Variants in UST observed in about 807,000 individuals in gnomAD.
UST encodes the protein chondroitin sulfate 2-O-sulfotransferase.
A neutral mutation model predicts 45.6 loss-of-function variants in UST; 21 were observed. That is an observed-to-expected ratio of 0.46 (90% CI 0.33 to 0.66). The LOEUF is 0.66. Ranked by LOEUF, UST falls within the 30% of genes least tolerant of loss-of-function variation. The pLI is 0.02. For missense variants in UST, 463 were observed against 512.4 expected, an observed-to-expected ratio of 0.90 and a Z score of 0.93; for synonymous variants, 215 against 200.6, an observed-to-expected ratio of 1.07 and a Z score of -0.61.
chr6:149,076,118 AG>A lies in UST; in HGVS notation c.*2005del, dbSNP rs1318612273. 1 of 152,452 alleles carries A rather than the reference AG, an allele frequency of 6.6e-6. No individual in the cohort carries two copies. Among genetic ancestry groups the A allele is most frequent in the Non-Finnish European group, 1.5e-5 (1 of 68,086 alleles). 9.4% of individuals were successfully genotyped at this position (152,452 alleles called of 1,614,324 possible). ...GAGGACGGGGGCAGAGAAGTGATGA[AG>A]GGAAATGTTCTTAGAGGAGGAAATA... On this transcript the variant is annotated 3_prime_UTR_variant, in exon 8 of 8. Coordinates refer to ENST00000367463, the MANE Select transcript of UST (RefSeq NM_005715.3).
At chr6:148,968,453 C>A (rs1455692319) in intron 5 of UST, among the ~76,000 whole-genome samples, 1 of 152,214 alleles carries the variant, frequency 6.6e-6, no homozygotes, top group Non-Finnish European at 1.5e-5. Flanking sequence ...TTGTCCAGAG[C>A]TGGAAGCTCC....
At chr6:148,837,706 CT>C (rs577045780) in intron 1 of UST, among the ~76,000 whole-genome samples, 1 of 147,130 alleles carries the variant, frequency 6.8e-6, no homozygotes, top group Non-Finnish European at 1.5e-5. Context: ...TTTTTCTCTC[CT>C]TTTTTTGAGA....
intron 5 of UST, among the ~76,000 whole-genome samples, chr6:148,991,037 G>A (rs1337105591): frequency 6.6e-6 from 1 of 152,200 alleles, no homozygotes; most frequent in Admixed American, 6.5e-5. Flanking sequence ...GAGGCAGGTA[G>A]TAAACAGACA....
intron 2 of UST, among the ~76,000 whole-genome samples, chr6:148,900,049 C>A (rs1490916682): frequency 6.6e-6 from 1 of 152,148 alleles, no homozygotes; most frequent in South Asian, 2.1e-4. Context: ...CTTATCTTTT[C>A]ATTTCCTTTA....
At chr6:148,914,341 C>A (rs1356006473) in intron 2 of UST, among the ~76,000 whole-genome samples, 1 of 150,696 alleles carries the variant, frequency 6.6e-6, no homozygotes, top group Non-Finnish European at 1.5e-5. Flanking sequence ...GCAGTGGTCC[C>A]CAACCTTTTT....
chr6:149,042,125 T>G (rs1416007670), intron 7 of UST, among the ~76,000 whole-genome samples: 1 of 152,250 alleles, frequency 6.6e-6, no homozygotes. Context: ...TCCAGTGACT[T>G]AGGCACTTTT....
At chr6:148,827,412 G>A (rs1446323428) in intron 1 of UST, among the ~76,000 whole-genome samples, 1 of 152,088 alleles carries the variant, frequency 6.6e-6, no homozygotes. Flanking sequence ...TTGAGGTCAG[G>A]ACTTTGAGAC....
At chr6:148,835,783 C>T (rs563340704) in intron 1 of UST, among the ~76,000 whole-genome samples, 4 of 152,112 alleles carry the variant, frequency 2.6e-5, no homozygotes, top group South Asian at 4.1e-4. Context: ...TGTACAAATA[C>T]GGAAGTGTGT....
intron 5 of UST, among the ~76,000 whole-genome samples, chr6:148,994,917 T>C (rs1236606833): frequency 6.6e-6 from 1 of 152,200 alleles, no homozygotes; most frequent in Non-Finnish European, 1.5e-5. Context: ...AAAGTGCCTG[T>C]TCACCCCTTA....
intron 1 of UST, among the ~76,000 whole-genome samples, chr6:148,817,802 T>C (rs1332412532): frequency 6.6e-6 from 1 of 152,170 alleles, no homozygotes; most frequent in Non-Finnish European, 1.5e-5. Context: ...TCATGAGGCA[T>C]GTCCTACTTC....
rs184326374 is a variant in UST, at chr6:148,855,382, G to A, written c.248-31604G>A. Among the ~76,000 whole-genome samples, 705 of 152,286 alleles carry A rather than the reference G, an allele frequency of 4.6e-3. 6 individuals carry two copies. Among genetic ancestry groups the A allele is most frequent in the African/African-American group, 0.016 (663 of 41,548 alleles). On this transcript the variant is annotated intron_variant, in intron 1 of 7. Coordinates refer to ENST00000367463, the MANE Select transcript of UST (RefSeq NM_005715.3). Reference sequence around the variant, plus strand: ...CAGATCACTGCCCTTTCTCACCAGGGGAGGATTCACTCACAGAAAGCAGGT... The same window carrying A: ...CAGATCACTGCCCTTTCTCACCAGGAGAGGATTCACTCACAGAAAGCAGGT...
intron 7 of UST, among the ~76,000 whole-genome samples, chr6:149,048,394 G>A (rs544100196): frequency 1.3e-3 from 194 of 152,158 alleles, no homozygotes; most frequent in African/African-American, 4.5e-3. Flanking sequence ...AAATCAGCTG[G>A]GTGTGGTGGC....
chr6:148,950,263 G>A (rs965261085), intron 3 of UST, among the ~76,000 whole-genome samples: 1 of 152,164 alleles, frequency 6.6e-6, no homozygotes, highest in African/African-American at 2.4e-5. Flanking sequence ...AACAAGTCTC[G>A]GGTGATGCTG....
chr6:149,058,448 C>A (rs1210750031), intron 7 of UST, among the ~76,000 whole-genome samples: 1 of 151,332 alleles, frequency 6.6e-6, no homozygotes, highest in Non-Finnish European at 1.5e-5. Flanking sequence ...CCTAGGCCTG[C>A]AAATGCCACA....
chr6:148,760,703 T>TAGCAA (rs1254239699), intron 1 of UST, among the ~76,000 whole-genome samples: 9 of 144,372 alleles, frequency 6.2e-5, no homozygotes, highest in Non-Finnish European at 1.2e-4. Context: ...CCCATAACCA[T>TAGCAA]AGCAAAACAA....
chr6:149,021,662 C>T (rs1316792322), intron 7 of UST, among the ~76,000 whole-genome samples, 181 bp downstream of exon 7: 1 of 152,214 alleles, frequency 6.6e-6, no homozygotes, highest in African/African-American at 2.4e-5. Flanking sequence ...AAATCTTGAG[C>T]TTCATGTTCA....
At chr6:149,073,581 C>T (rs1354616051) in intron 7 of UST, among the ~76,000 whole-genome samples, 1 of 152,172 alleles carries the variant, frequency 6.6e-6, no homozygotes, top group African/African-American at 2.4e-5. Flanking sequence ...TGAATTTGGT[C>T]CAATCGCATG....
intron 1 of UST, among the ~76,000 whole-genome samples, chr6:148,762,129 T>C (rs528455232): frequency 3.3e-5 from 5 of 152,334 alleles, no homozygotes; most frequent in African/African-American, 1.2e-4. Flanking sequence ...TGTAGTTATA[T>C]TCTTCATTCG....
chr6:149,061,333 G>C (rs1776652220), intron 7 of UST, among the ~76,000 whole-genome samples: 1 of 152,164 alleles, frequency 6.6e-6, no homozygotes, highest in Non-Finnish European at 1.5e-5. Flanking sequence ...GGACTTTTAG[G>C]AGTACTGAAG....
Sources: gnomAD v4.1 joint callset for allele counts (sites outside exome capture counted in the v4.1 genomes callset) on GRCh38, gnomAD v4.1.1 for gene constraint, MANE v1.5 for transcripts, NCBI Gene and HGNC (gene_info 2026-07-23, HGNC 2026-07-21) for gene names.